NEO1: variants seen among roughly 807,000 people sequenced by gnomAD.
NEO1 encodes neogenin 1, also known as neogenin.
Under a neutral mutation model 159.7 loss-of-function variants are expected in NEO1, and 63 were observed. The observed-to-expected ratio is 0.39, with a 90% CI of 0.32 to 0.49. The LOEUF (loss-of-function observed/expected upper bound fraction) is 0.49. Among genes scored for constraint, NEO1 ranks in the 20% least tolerant of loss-of-function variants. The pLI is 0.85. For missense variants in NEO1, 1,615 were observed against 1,831.0 expected, an observed-to-expected ratio of 0.88 and a Z score of 2.15; for synonymous variants, 633 against 662.0, an observed-to-expected ratio of 0.96 and a Z score of 0.67.
intron 2 of NEO1, among the ~76,000 whole-genome samples, chr15:73,120,966 A>C (rs758519403): frequency 5.7e-4 from 87 of 152,272 alleles, no homozygotes; most frequent in Non-Finnish European, 1.1e-3. Flanking sequence ...TTAACCCCCC[A>C]AAAATGCATA....
chr15:73,263,626 T>C (rs1055270445), intron 15 of NEO1, among the ~76,000 whole-genome samples: 1 of 75,214 alleles, frequency 1.3e-5, no homozygotes, highest in African/African-American at 3.4e-5. Flanking sequence ...CACTTGTTTC[T>C]AAAATTAAAA....
In NEO1 at chr15:73,293,490, G is replaced by A. The variant is rs757950671; in HGVS notation, c.3843G>A (p.Pro1281=). 122 of 1,613,918 alleles carry A rather than the reference G, an allele frequency of 7.6e-5. No individual in the cohort carries two copies. Among genetic ancestry groups the A allele is most frequent in the Middle Eastern group, 4.9e-4 (3 of 6,084 alleles). The change falls in exon 26 of 29, where the codon CCG becomes CCA. Residue 1281 remains proline, a synonymous_variant. Coordinates refer to ENST00000261908, the MANE Select transcript of NEO1 (RefSeq NM_002499.4). The stretch of plus-strand genomic sequence containing the variant: ...CAGCTCGCAGTCATCTCTACCACCC[G>A]GGCAGCCCATGGCCCATTGGCACAT... The part of the protein sequence containing the change: ...ASPARSHLYH[P]GSPWPIGTSM...
chr15:73,227,402 A>T (rs2038649548), intron 7 of NEO1, among the ~76,000 whole-genome samples: 1 of 152,158 alleles, frequency 6.6e-6, no homozygotes, highest in African/African-American at 2.4e-5. Flanking sequence ...AGGCTGACGC[A>T]GGAGAATTGC....
At chr15:73,172,378 G>A (rs1320205053) in intron 5 of NEO1, among the ~76,000 whole-genome samples, 1 of 152,064 alleles carries the variant, frequency 6.6e-6, no homozygotes, top group African/African-American at 2.4e-5. Context: ...GGAACTAAAT[G>A]GTTATAAGTG....
At chr15:73,297,707 C>T (rs181482141) in intron 26 of NEO1, among the ~76,000 whole-genome samples, 217 of 152,358 alleles carry the variant, frequency 1.4e-3, no homozygotes, top group African/African-American at 4.9e-3. Context: ...CTTCTCCAGG[C>T]TAATCTACCC....
intron 15 of NEO1, among the ~76,000 whole-genome samples, chr15:73,265,252 C>T (rs947945686): frequency 6.6e-6 from 1 of 152,106 alleles, no homozygotes; most frequent in Non-Finnish European, 1.5e-5. Context: ...CTTAATAACT[C>T]CCAGGTTTCT....
intron 7 of NEO1, among the ~76,000 whole-genome samples, chr15:73,187,382 C>G (rs2035991556): frequency 6.6e-6 from 1 of 152,096 alleles, no homozygotes; most frequent in Non-Finnish European, 1.5e-5. Flanking sequence ...CTCCTGCTCC[C>G]TGTTTGCCTT....
chr15:73,176,896 C>G (rs2035307022), intron 6 of NEO1, among the ~76,000 whole-genome samples: 1 of 152,112 alleles, frequency 6.6e-6, no homozygotes, highest in African/African-American at 2.4e-5. Flanking sequence ...CCCCAGTTGT[C>G]TTCACAGCTC....
In NEO1 at chr15:73,302,828, G is replaced by T; in HGVS notation, c.*132G>T. On this transcript the variant is annotated 3_prime_UTR_variant, in exon 29 of 29. Coordinates refer to ENST00000261908, the MANE Select transcript of NEO1 (RefSeq NM_002499.4). ...AGAATGAGCCAGCAGACTGGCCAGC[G>T]CCTCTGTGTAGGGCTGGCTCCAGGC... 1 of 814,572 alleles carries T rather than the reference G, an allele frequency of 1.2e-6. No individual in the cohort carries two copies. Among genetic ancestry groups the T allele is most frequent in the Non-Finnish European group, 2.0e-6 (1 of 503,186 alleles). The allele number at this position is 814,572 out of a possible 1,614,324, so 50.5% of individuals were successfully genotyped here.
At chr15:73,212,264 C>G (rs1156516008) in intron 7 of NEO1, among the ~76,000 whole-genome samples, 1 of 152,122 alleles carries the variant, frequency 6.6e-6, no homozygotes, top group African/African-American at 2.4e-5. Flanking sequence ...TCCTCCATCC[C>G]CCATATCATC....
intron 5 of NEO1, among the ~76,000 whole-genome samples, chr15:73,176,089 T>TAGGGA (rs1317461794): frequency 6.6e-6 from 1 of 152,220 alleles, no homozygotes; most frequent in Non-Finnish European, 1.5e-5. Flanking sequence ...CTTAGGGAAG[T>TAGGGA]ATTCTTTAAT....
At chr15:73,166,635 T>C (rs990627410) in intron 5 of NEO1, among the ~76,000 whole-genome samples, 9 of 152,096 alleles carry the variant, frequency 5.9e-5, no homozygotes, top group Non-Finnish European at 1.3e-4. Context: ...TGAAGTGGGG[T>C]TTACAGGTTG....
chr15:73,175,780 A>G (rs569702106), intron 5 of NEO1, among the ~76,000 whole-genome samples: 9 of 152,296 alleles, frequency 5.9e-5, no homozygotes, highest in Admixed American at 4.6e-4. Flanking sequence ...ATTATGATCT[A>G]TTATTTGTAA....
chr15:73,297,038 G>A (rs999677438), intron 26 of NEO1, among the ~76,000 whole-genome samples: 2 of 152,238 alleles, frequency 1.3e-5, no homozygotes, highest in African/African-American at 4.8e-5. Context: ...CAGGCCACCT[G>A]GTACAGTCCA....
chr15:73,245,109 T>A (rs958053725), intron 9 of NEO1, among the ~76,000 whole-genome samples: 4 of 152,116 alleles, frequency 2.6e-5, no homozygotes, highest in African/African-American at 4.8e-5. Flanking sequence ...AATATTGTTA[T>A]CTCCACAGTC....
chr15:73,253,929 C>G (rs557865176), intron 12 of NEO1, among the ~76,000 whole-genome samples: 1 of 152,294 alleles, frequency 6.6e-6, no homozygotes, highest in African/African-American at 2.4e-5. Flanking sequence ...ACTGTCCTTC[C>G]TATAGCCAAG....
chr15:73,257,153 A>AAAAAAAAT (rs2040401716), intron 13 of NEO1, among the ~76,000 whole-genome samples: 1 of 147,482 alleles, frequency 6.8e-6, no homozygotes, highest in Non-Finnish European at 1.5e-5. Flanking sequence ...AAAAAAAAAA[A>AAAAAAAAT]GTTTCATATT....
chr15:73,259,369 A>ATTTTTTTT, intron 14 of NEO1, among the ~76,000 whole-genome samples: 1 of 38,862 alleles, frequency 2.6e-5, no homozygotes. Context: ...TCATTTTACT[A>ATTTTTTTT]ATTTTTTTTT....
In NEO1 at chr15:73,304,113, A is replaced by ACC. The variant is rs781051342; in HGVS notation, c.*1424_*1425dup. ...GCAGGGACAGCGGAAACAGCTGCCC[A>ACC]CCCCCCCCATCCCAGCAGCTCAGCT... On this transcript the variant is annotated 3_prime_UTR_variant, in exon 29 of 29. Coordinates refer to ENST00000261908, the MANE Select transcript of NEO1 (RefSeq NM_002499.4). 1.4e-5 allele frequency: 2 copies of ACC among 146,688 alleles called. No individual in the cohort carries two copies. Among genetic ancestry groups the ACC allele is most frequent in the Non-Finnish European group, 3.0e-5 (2 of 66,546 alleles). The allele number at this position is 146,688 out of a possible 1,614,324, so 9.1% of individuals were successfully genotyped here. A position where few individuals can be genotyped will look rare whatever the true frequency, so the allele number is the denominator to read the frequency against.
Sources: gnomAD v4.1 joint callset for allele counts (sites outside exome capture counted in the v4.1 genomes callset) on GRCh38, gnomAD v4.1.1 for gene constraint, MANE v1.5 for transcripts, NCBI Gene and HGNC (gene_info 2026-07-23, HGNC 2026-07-21) for gene names.